SRRM4: variants seen among roughly 807,000 people sequenced by gnomAD.
SRRM4 encodes the protein serine/arginine repetitive matrix protein 4.
Under a neutral mutation model 68.9 loss-of-function variants are expected in SRRM4, and 33 were observed. The observed-to-expected ratio is 0.48, with a 90% CI of 0.36 to 0.64. SRRM4 has a LOEUF of 0.64. Ranked by LOEUF, SRRM4 falls within the 30% of genes least tolerant of loss-of-function variation. The pLI is 0.00. For missense variants in SRRM4, 817 were observed against 827.1 expected (o/e 0.99, Z 0.15); for synonymous variants, 318 against 318.8 (o/e 1.00, Z 0.03).
chr12:119,139,480 C>T (rs1954351378), intron 8 of SRRM4, among the ~76,000 whole-genome samples: 1 of 152,168 alleles, frequency 6.6e-6, no homozygotes, highest in Non-Finnish European at 1.5e-5. Flanking sequence ...TGTGAAAATG[C>T]TCCTACCACC....
chr12:119,118,218 C>T (rs1349784613), intron 4 of SRRM4, among the ~76,000 whole-genome samples: 5 of 152,148 alleles, frequency 3.3e-5, no homozygotes, highest in Non-Finnish European at 7.3e-5. Flanking sequence ...TTTGAAGCTC[C>T]CTATACAAGT....
At chr12:119,064,650 A>G (rs761096209) in intron 1 of SRRM4, among the ~76,000 whole-genome samples, 42 of 152,336 alleles carry the variant, frequency 2.8e-4, no homozygotes, top group Non-Finnish European at 5.3e-4. Context: ...GAGGCTAAGA[A>G]AAACCTTGCT....
intron 3 of SRRM4, 47 bp from the exon 4 acceptor site, chr12:119,116,890 G>C: frequency 6.3e-7 from 1 of 1,574,948 alleles, no homozygotes; most frequent in Non-Finnish European, 8.7e-7. Context: ...AACCAACCTT[G>C]GCCTTTAAGA....
At chr12:119,013,947 G>A (rs1042913763) in intron 1 of SRRM4, among the ~76,000 whole-genome samples, 2 of 152,016 alleles carry the variant, frequency 1.3e-5, no homozygotes, top group African/African-American at 4.8e-5. Flanking sequence ...TCCCAACCCA[G>A]GGTATAAGAA....
At chr12:118,996,968 T>C (rs748709937) in intron 1 of SRRM4, among the ~76,000 whole-genome samples, 4 of 152,220 alleles carry the variant, frequency 2.6e-5, no homozygotes, top group Non-Finnish European at 5.9e-5. Flanking sequence ...GTGGACCTCA[T>C]GGGGCTGAAT....
intron 1 of SRRM4, among the ~76,000 whole-genome samples, chr12:119,014,233 A>T (rs1037252222): frequency 7.2e-5 from 11 of 152,110 alleles, no homozygotes; most frequent in Admixed American, 5.9e-4. Context: ...AGCTCTTTGC[A>T]TATTAAAGGA....
At chr12:119,050,741 G>A (rs1953737392) in intron 1 of SRRM4, among the ~76,000 whole-genome samples, 1 of 152,138 alleles carries the variant, frequency 6.6e-6, no homozygotes, top group Admixed American at 6.5e-5. Context: ...AATATTTGTT[G>A]ACTGAATAGA....
chr12:119,022,484 A>G (rs564344873), intron 1 of SRRM4, among the ~76,000 whole-genome samples: 1 of 152,320 alleles, frequency 6.6e-6, no homozygotes, highest in Non-Finnish European at 1.5e-5. Context: ...ACAAAGCAGC[A>G]ATAGAAATGT....
chr12:119,019,453 C>G (rs1368289488), intron 1 of SRRM4, among the ~76,000 whole-genome samples: 3 of 152,042 alleles, frequency 2.0e-5, no homozygotes, highest in Admixed American at 6.5e-5. Context: ...CTTGAATTCC[C>G]CCCCTCAAGC....
rs185311429 is a variant in SRRM4 at position 119,154,549 on chromosome 12, A to G, written c.1532+166A>G. ...CATCATTGAAATTACGTGTCTGTTC[A>G]AAGCCTTGGGACTGAGTCTCCCAGC... On this transcript the variant is annotated intron_variant, in intron 12 of 12. Coordinates refer to ENST00000267260, the MANE Select transcript of SRRM4 (RefSeq NM_194286.4). The surrounding 1 kb of genome is among the most constrained non-coding windows in gnomAD (Gnocchi z 4.7). Among the ~76,000 whole-genome samples, 115 of 152,308 alleles carry G rather than the reference A, an allele frequency of 7.6e-4. 1 individual carries two copies. The East Asian group carries it at 0.014, about 19-fold the overall frequency.
chr12:119,043,372 G>A (rs1315505314), intron 1 of SRRM4, among the ~76,000 whole-genome samples: 5 of 151,582 alleles, frequency 3.3e-5, no homozygotes, highest in South Asian at 4.2e-4. Flanking sequence ...GGGAACAGGG[G>A]AACAACATAC....
intron 12 of SRRM4, among the ~76,000 whole-genome samples, chr12:119,155,121 C>T (rs115373746): frequency 4.6e-5 from 7 of 152,346 alleles, no homozygotes; most frequent in African/African-American, 1.7e-4. Flanking sequence ...AACTTGAATG[C>T]AGAGTACACA....
chr12:119,020,120 C>A (rs888687897), intron 1 of SRRM4, among the ~76,000 whole-genome samples: 16 of 152,030 alleles, frequency 1.1e-4, no homozygotes, highest in African/African-American at 3.1e-4. Context: ...AACAGGGCAT[C>A]CTCGTGCGCA....
chr12:119,120,626 C>A (rs1382196504), intron 5 of SRRM4, among the ~76,000 whole-genome samples: 1 of 152,194 alleles, frequency 6.6e-6, no homozygotes, highest in Non-Finnish European at 1.5e-5. Context: ...GGCCAAGGAA[C>A]AGGGCCAAGT....
At chr12:119,014,371 A>T (rs966367492) in intron 1 of SRRM4, among the ~76,000 whole-genome samples, 1 of 152,108 alleles carries the variant, frequency 6.6e-6, no homozygotes, top group Non-Finnish European at 1.5e-5. Flanking sequence ...ACGGGATTTT[A>T]TCTCCTTCCC....
intron 8 of SRRM4, among the ~76,000 whole-genome samples, chr12:119,137,215 T>A (rs1025422088): frequency 6.6e-6 from 1 of 152,086 alleles, no homozygotes; most frequent in East Asian, 1.9e-4. Flanking sequence ...AAAAAAAATG[T>A]ATAGCCGCCT....
rs1452300508 is a variant in SRRM4, at chr12:119,077,571, G to T, written c.132-24665G>T. On this transcript the variant is annotated intron_variant, in intron 1 of 12. Transcript: ENST00000267260. ...GGCATGTAATAAATGACCCCAAAATGTCAACTATTATCATTATTATTAATG... is the reference window on the plus strand; with the variant it reads ...GGCATGTAATAAATGACCCCAAAATTTCAACTATTATCATTATTATTAATG... Among the ~76,000 whole-genome samples the T allele has an allele frequency of 3.9e-5, 6 of 152,120 alleles. No homozygotes were observed. The East Asian group carries it at 1.2e-3, about 29-fold the overall frequency.
At chr12:119,089,608 T>C (rs928808755) in intron 1 of SRRM4, among the ~76,000 whole-genome samples, 1 of 151,844 alleles carries the variant, frequency 6.6e-6, no homozygotes, top group Non-Finnish European at 1.5e-5. Context: ...CTAAAGGAGG[T>C]TGAATGGAAA....
chr12:119,111,837 A>T (rs1220275036), intron 2 of SRRM4, among the ~76,000 whole-genome samples: 1 of 152,176 alleles, frequency 6.6e-6, no homozygotes, highest in Non-Finnish European at 1.5e-5. Flanking sequence ...TGGGGTCAGG[A>T]GTTCGAGACC....
Sources: gnomAD v4.1 joint callset for allele counts (sites outside exome capture counted in the v4.1 genomes callset) on GRCh38, gnomAD v4.1.1 for gene constraint, Gnocchi (gnomAD v3.1) non-coding constraint, MANE v1.5 for transcripts, NCBI Gene and HGNC (gene_info 2026-07-23, HGNC 2026-07-21) for gene names.